Variants in CSMD1 observed in about 807,000 individuals in gnomAD.
The protein encoded by CSMD1 is CUB and Sushi multiple domains 1, also known as CUB and sushi domain-containing protein 1.
CSMD1 carries 213 observed loss-of-function variants against 417.5 expected under a neutral mutation model. The observed-to-expected ratio is 0.51, with a 90% CI of 0.46 to 0.57. CSMD1 has a LOEUF of 0.57. Among genes scored for constraint, CSMD1 ranks in the 20% least tolerant of loss-of-function variants. CSMD1 has a pLI of 0.00. For synonymous variants in CSMD1, 2,862 were observed against 1,736.8 expected (o/e 1.65, Z -16.11); for missense variants, 6,923 against 4,529.7 (o/e 1.53, Z -15.17).
At chr8:4,949,248 T>C (rs1275396759) in intron 1 of CSMD1, among the ~76,000 whole-genome samples, 1 of 152,158 alleles carries the variant, frequency 6.6e-6, no homozygotes, top group African/African-American at 2.4e-5. Flanking sequence ...GCACCTATCT[T>C]CATAAATGAG....
chr8:2,979,272 A>G (rs187559370), intron 54 of CSMD1, among the ~76,000 whole-genome samples: 91 of 152,372 alleles, frequency 6.0e-4, no homozygotes, highest in African/African-American at 2.0e-3. Context: ...TGCTCTATGT[A>G]GAACGCAACT....
At chr8:4,652,256 G>C (rs941862113) in intron 1 of CSMD1, among the ~76,000 whole-genome samples, 6 of 152,166 alleles carry the variant, frequency 3.9e-5, no homozygotes, top group African/African-American at 1.4e-4. Context: ...TGTCAGAATA[G>C]AAATCCAGTC....
intron 1 of CSMD1, among the ~76,000 whole-genome samples, chr8:4,732,661 C>T (rs964499163): frequency 6.6e-6 from 1 of 152,114 alleles, no homozygotes; most frequent in Admixed American, 6.6e-5. Context: ...TCTGGGCAGC[C>T]ACACATCTGC....
intron 2 of CSMD1, among the ~76,000 whole-genome samples, chr8:4,497,405 A>C (rs1802033025): frequency 6.6e-6 from 1 of 152,170 alleles, no homozygotes; most frequent in African/African-American, 2.4e-5. Context: ...CAATGATTGT[A>C]TTTTGGGGGG....
rs563023907 is a variant in CSMD1 at position 4,423,240 on chromosome 8, C to G, written c.303-3175G>C. 1.3e-3 allele frequency among the ~76,000 whole-genome samples: 201 copies of G among 151,864 alleles called. 2 individuals are homozygous for G. The highest frequency in any genetic ancestry group is 1.1e-3 in the Non-Finnish European group (74 of 67,924). On this transcript the variant is annotated intron_variant, in intron 2 of 69. Transcript: ENST00000635120. ...ATAATACAAGAAAAGAAAATATATG[C>G]GTATGGGTCAGATAGGAATAAATAA...
chr8:3,210,959 A>T (rs963609863), intron 30 of CSMD1, among the ~76,000 whole-genome samples: 5 of 151,248 alleles, frequency 3.3e-5, no homozygotes, highest in African/African-American at 1.2e-4. Context: ...TGCTAAAGAT[A>T]TCTGAAGTGG....
At chr8:3,158,864 T>C (rs1434682535) in intron 38 of CSMD1, among the ~76,000 whole-genome samples, 2 of 152,158 alleles carry the variant, frequency 1.3e-5, no homozygotes, top group Non-Finnish European at 2.9e-5. Flanking sequence ...ATCTAATGTA[T>C]GTTAAATAAT....
At chr8:4,511,513 T>C (rs1431480531) in intron 2 of CSMD1, among the ~76,000 whole-genome samples, 1 of 152,208 alleles carries the variant, frequency 6.6e-6, no homozygotes, top group Non-Finnish European at 1.5e-5. Flanking sequence ...CACTCTGTCC[T>C]AAGAGAAAGC....
At chr8:3,291,037 G>A (rs998914821) in intron 25 of CSMD1, among the ~76,000 whole-genome samples, 3 of 152,100 alleles carry the variant, frequency 2.0e-5, no homozygotes, top group African/African-American at 7.2e-5. Flanking sequence ...AGCATGAAGG[G>A]TTGTTGAATT....
intron 7 of CSMD1, among the ~76,000 whole-genome samples, chr8:3,697,667 C>G (rs551213879): frequency 6.6e-6 from 1 of 152,194 alleles, no homozygotes; most frequent in Non-Finnish European, 1.5e-5. Context: ...CATTCATAAT[C>G]CTCCAGAGGT....
intron 11 of CSMD1, among the ~76,000 whole-genome samples, chr8:3,483,183 T>C (rs986101153): frequency 5.9e-5 from 9 of 151,950 alleles, no homozygotes; most frequent in Non-Finnish European, 1.0e-4. Context: ...ACAAATATTC[T>C]CTTTCAAAAA....
chr8:3,096,888 G>C lies in CSMD1; in HGVS notation c.7099C>G (p.Gln2367Glu). The C allele has an allele frequency of 6.4e-7, 1 of 1,557,208 alleles. No individual in the cohort carries two copies. The highest frequency in any genetic ancestry group is 8.7e-7 in the Non-Finnish European group (1 of 1,149,302). ...AGTGCATCAAACTGCTTTTCACTTT[G>C]AAATGTGTCCACAAAGATGGTAATG... The part of the protein sequence containing the change: ...YNITIFVDTF[Q>E]SEKQFDALEV... Residue 2367 changes from glutamine (Q) to glutamate (E), a missense_variant, in exon 47 of 70, where the codon CAA (glutamine) becomes GAA (glutamate). By Grantham distance (29) the Gln-to-Glu change is conservative. Transcript: ENST00000635120.
intron 3 of CSMD1, among the ~76,000 whole-genome samples, chr8:4,196,986 T>G (rs1169022340): frequency 6.6e-6 from 1 of 152,224 alleles, no homozygotes; most frequent in Admixed American, 6.5e-5. Flanking sequence ...CCCCTCACAA[T>G]ATCTATTCTA....
rs953368268 is a variant in CSMD1, at chr8:3,586,085, C to T, written c.1222+51G>A. On this transcript the variant is annotated intron_variant, in intron 9 of 69. Coordinates refer to ENST00000635120, the MANE Select transcript of CSMD1 (RefSeq NM_033225.6). ...TTAAATTGTATATTCATAAAAATGC[C>T]AACCTTAAAGAAAGAGATAATCCAG... The T allele has an allele frequency of 3.2e-6, 5 of 1,569,218 alleles. No homozygotes were observed. The South Asian group carries it at 3.5e-5, about 11-fold the overall frequency.
chr8:3,273,541 G>A (rs915034744), intron 26 of CSMD1, among the ~76,000 whole-genome samples: 9 of 152,108 alleles, frequency 5.9e-5, no homozygotes, highest in African/African-American at 1.9e-4. Flanking sequence ...GGTAGAATTC[G>A]GTTGTGAGTC....
intron 3 of CSMD1, among the ~76,000 whole-genome samples, chr8:4,064,655 T>C (rs1005314775): frequency 6.6e-6 from 1 of 152,020 alleles, no homozygotes; most frequent in African/African-American, 2.4e-5. Flanking sequence ...CTATGGCAGG[T>C]ACACTCTGTA....
chr8:4,071,521 C>T (rs1799558083), intron 3 of CSMD1, among the ~76,000 whole-genome samples: 2 of 151,966 alleles, frequency 1.3e-5, no homozygotes, highest in Admixed American at 1.3e-4. Flanking sequence ...CTTATTTAAG[C>T]ATAATTGTAA....
intron 28 of CSMD1, among the ~76,000 whole-genome samples, chr8:3,222,034 A>C (rs919316718): frequency 5.3e-5 from 8 of 151,782 alleles, no homozygotes; most frequent in African/African-American, 1.9e-4. Flanking sequence ...CTCCCTCCTC[A>C]CTACTTCCCA....
intron 3 of CSMD1, among the ~76,000 whole-genome samples, chr8:4,228,244 C>T (rs1401467737): frequency 1.3e-5 from 2 of 152,184 alleles, no homozygotes; most frequent in South Asian, 2.1e-4. Context: ...AAAATATTTG[C>T]CTTCCTGTCA....
Sources: gnomAD v4.1 joint callset for allele counts (sites outside exome capture counted in the v4.1 genomes callset) on GRCh38, gnomAD v4.1.1 for gene constraint, MANE v1.5 for transcripts, NCBI Gene and HGNC (gene_info 2026-07-23, HGNC 2026-07-21) for gene names.